The following TP53BP2 variants were observed in gnomAD, a reference collection of about 807,000 sequenced individuals.
The protein encoded by TP53BP2 is tumor protein p53 binding protein 2.
Under a neutral mutation model 126.2 loss-of-function variants are expected in TP53BP2, and 62 were observed. The observed-to-expected ratio is 0.49, with a 90% CI of 0.40 to 0.61. The LOEUF (loss-of-function observed/expected upper bound fraction) is 0.61. Ranked by LOEUF, TP53BP2 falls within the 20% of genes least tolerant of loss-of-function variation. TP53BP2 has a pLI of 0.00. For missense variants in TP53BP2, 1,215 were observed against 1,402.8 expected (o/e 0.87, Z 2.14); for synonymous variants, 485 against 502.9 (o/e 0.96, Z 0.48).
chr1:223,799,719 G>A (rs899349422), intron 11 of TP53BP2, among the ~76,000 whole-genome samples, 180 bp downstream of exon 11: 2 of 152,178 alleles, frequency 1.3e-5, no homozygotes, highest in African/African-American at 2.4e-5. Flanking sequence ...CTCCCACCGG[G>A]TGTGAGAGCA....
At chr1:223,815,242 C>G (rs1205757779) in intron 2 of TP53BP2, among the ~76,000 whole-genome samples, 1 of 152,190 alleles carries the variant, frequency 6.6e-6, no homozygotes, top group Non-Finnish European at 1.5e-5. Flanking sequence ...AGCAGGCAAG[C>G]ATTCACCAGC....
intron 8 of TP53BP2, 81 bp from the exon 9 acceptor site, chr1:223,802,425 T>C: frequency 1.4e-6 from 2 of 1,388,360 alleles, no homozygotes; most frequent in East Asian, 2.3e-5. Context: ...TGACATTTTC[T>C]TACTTTTTAA....
intron 2 of TP53BP2, among the ~76,000 whole-genome samples, chr1:223,819,139 G>A (rs1273146932): frequency 1.3e-5 from 2 of 150,642 alleles, no homozygotes; most frequent in Middle Eastern, 3.2e-3. Context: ...AGCCGAGATC[G>A]CGCCATTGCA....
chr1:223,836,957 G>A (rs1203222743), intron 1 of TP53BP2, among the ~76,000 whole-genome samples: 1 of 151,928 alleles, frequency 6.6e-6, no homozygotes, highest in African/African-American at 2.4e-5. Flanking sequence ...AACTTTTCAG[G>A]AAATTAACAA....
At chr1:223,827,864 T>G (rs1372360453) in intron 1 of TP53BP2, among the ~76,000 whole-genome samples, 4 of 152,048 alleles carry the variant, frequency 2.6e-5, no homozygotes, top group African/African-American at 9.7e-5. Flanking sequence ...CATGAGAAAA[T>G]GCAGGCAGGC....
intron 1 of TP53BP2, among the ~76,000 whole-genome samples, chr1:223,841,473 T>C (rs1388217914): frequency 2.0e-5 from 3 of 152,166 alleles, no homozygotes; most frequent in Non-Finnish European, 4.4e-5. Flanking sequence ...ACAAATAAAA[T>C]GTTCCAAATA....
In TP53BP2 at chr1:223,814,230, C is replaced by T. The variant is rs189309535; in HGVS notation, c.289+10G>A. ...TAAATATCTGTCACGATTCACAGAG[C>T]ACTACCTACCAATGTCCCTGCCAGG... On this transcript the variant is annotated intron_variant, in intron 3 of 17. Coordinates refer to ENST00000343537, the MANE Select transcript of TP53BP2 (RefSeq NM_001031685.3). The T allele has an allele frequency of 9.4e-6, 15 of 1,596,362 alleles. No homozygotes were observed. Among genetic ancestry groups the T allele is most frequent in the Admixed American group, 3.3e-5 (2 of 59,900 alleles).
At chr1:223,840,626 G>A (rs1664071701) in intron 1 of TP53BP2, among the ~76,000 whole-genome samples, 1 of 152,192 alleles carries the variant, frequency 6.6e-6, no homozygotes, top group African/African-American at 2.4e-5. Flanking sequence ...ATACACTATG[G>A]TAGATCACCA....
rs1247606323 is a variant in TP53BP2, at chr1:223,831,395, CT to C, written c.28-10029del. Among the ~76,000 whole-genome samples, 6 of 132,698 alleles carry C rather than the reference CT, an allele frequency of 4.5e-5. No individual in the cohort carries two copies. The East Asian group carries it at 1.3e-3, about 29-fold the overall frequency. The allele number at this position is 132,698 out of a possible 152,430, so 87.1% of individuals were successfully genotyped here. A position where few individuals can be genotyped will look rare whatever the true frequency, so the allele number is the denominator to read the frequency against. ...CTTGGGCGACAGAGCAAGACGCTGT[CT>C]CCCAAAAAAAAAAAAAAAAGTAAAA... is the stretch of plus-strand genomic sequence containing the variant. On this transcript the variant is annotated intron_variant, in intron 1 of 17. Coordinates refer to ENST00000343537, the MANE Select transcript of TP53BP2 (RefSeq NM_001031685.3).
chr1:223,817,117 A>C (rs1663112981), intron 2 of TP53BP2, among the ~76,000 whole-genome samples: 1 of 150,970 alleles, frequency 6.6e-6, no homozygotes, highest in South Asian at 2.1e-4. Context: ...CCAAGACTGA[A>C]TCACACTGCA....
chr1:223,827,483 C>T (rs1663541263), intron 1 of TP53BP2, among the ~76,000 whole-genome samples: 1 of 152,154 alleles, frequency 6.6e-6, no homozygotes, highest in African/African-American at 2.4e-5. Flanking sequence ...CTGGAACAGG[C>T]TAGAGAACCT....
At chr1:223,812,547 TTTG>T (rs574437302) in intron 3 of TP53BP2, among the ~76,000 whole-genome samples, 72 of 151,894 alleles carry the variant, frequency 4.7e-4, no homozygotes, top group African/African-American at 1.5e-3. Flanking sequence ...ATTTTTGTTT[TTTG>T]TTGTTGTTGT....
intron 12 of TP53BP2, among the ~76,000 whole-genome samples, chr1:223,797,860 A>T (rs1356615759): frequency 6.6e-6 from 1 of 152,036 alleles, no homozygotes; most frequent in Non-Finnish European, 1.5e-5. Context: ...ACACACACAC[A>T]GACAGGGGCA....
At chr1:223,795,118 A>T (rs1662272723) in intron 13 of TP53BP2, among the ~76,000 whole-genome samples, 1 of 152,246 alleles carries the variant, frequency 6.6e-6, no homozygotes, top group African/African-American at 2.4e-5. Context: ...TGGAAGCTTA[A>T]ATTTCAAACA....
At chr1:223,811,230 T>C (rs1162659120) in intron 3 of TP53BP2, among the ~76,000 whole-genome samples, 1 of 152,116 alleles carries the variant, frequency 6.6e-6, no homozygotes, top group Non-Finnish European at 1.5e-5. Context: ...AACTAATACA[T>C]TATAAGAAGC....
Position 223,845,249 on chromosome 1 carries a change from G to C in TP53BP2, c.27+405C>G, listed in dbSNP as rs190258091. On this transcript the variant is annotated intron_variant, in intron 1 of 17. Transcript: ENST00000343537. The stretch of plus-strand genomic sequence containing the variant: ...AAGCAAAGGTACCCGTTCCAGTAAC[G>C]TATGTTTCACTCCAGTAAAAAGTAA... The C allele has an allele frequency of 2.2e-5, 22 of 985,120 alleles. No individual in the cohort carries two copies. The African/African-American group carries it at 3.1e-4, about 14-fold the overall frequency. The allele number at this position is 985,120 out of a possible 1,614,324, so 61.0% of individuals were successfully genotyped here.
chr1:223,837,163 G>GGGGGGGGGGGGGGGA (rs1553264323), intron 1 of TP53BP2, among the ~76,000 whole-genome samples: 2 of 124,818 alleles, frequency 1.6e-5, no homozygotes, highest in African/African-American at 3.1e-5. Flanking sequence ...AAAGGGGGGG[G>GGGGGGGGGGGGGGGA]GCGGGGGGTC....
intron 1 of TP53BP2, among the ~76,000 whole-genome samples, chr1:223,843,407 G>A (rs956837551): frequency 7.2e-5 from 11 of 152,060 alleles, no homozygotes; most frequent in African/African-American, 2.7e-4. Flanking sequence ...TTGACCTCGT[G>A]ATCCGCCCGC....
intron 4 of TP53BP2, 31 bp from the exon 5 acceptor site, chr1:223,806,978 C>T (rs573262728): frequency 1.3e-6 from 2 of 1,534,562 alleles, no homozygotes; most frequent in South Asian, 1.1e-5. Context: ...AAACACAATC[C>T]CAGCTTACTA....
Sources: allele counts gnomAD v4.1 joint callset (sites outside exome capture counted in the v4.1 genomes callset), GRCh38; gene constraint gnomAD v4.1.1; transcripts MANE v1.5; gene names NCBI Gene and HGNC (gene_info 2026-07-23, HGNC 2026-07-21).